The following RPS6KC1 variants were observed in gnomAD, a reference collection of about 807,000 sequenced individuals.
RPS6KC1 encodes the protein ribosomal protein S6 kinase C1.
Under a neutral mutation model 103.8 loss-of-function variants are expected in RPS6KC1, and 54 were observed. The observed-to-expected ratio is 0.52, with a 90% confidence interval of 0.42 to 0.65. RPS6KC1 has a LOEUF of 0.65. Ranked by LOEUF, RPS6KC1 falls within the 30% of genes least tolerant of loss-of-function variation. The pLI is 0.00. For missense variants in RPS6KC1, 1,151 were observed against 1,253.8 expected (o/e 0.92, Z 1.24); for synonymous variants, 439 against 438.7 (o/e 1.00, Z -0.01).
the RPS6KC1 span, among the ~76,000 whole-genome samples, chr1:213,554,435 G>T: frequency 6.6e-6 from 1 of 152,162 alleles, no homozygotes; most frequent in African/African-American, 2.4e-5. Flanking sequence ...TTGTAGTATA[G>T]CCTTGAATGC....
the RPS6KC1 span, among the ~76,000 whole-genome samples, chr1:213,752,559 C>A: frequency 1.3e-5 from 2 of 152,118 alleles, no homozygotes; most frequent in Non-Finnish European, 2.9e-5. Context: ...CCATAAGATG[C>A]CAAGAACTAG....
At chr1:213,534,510 G>A in the RPS6KC1 span, among the ~76,000 whole-genome samples, 1 of 152,142 alleles carries the variant, frequency 6.6e-6, no homozygotes, top group Non-Finnish European at 1.5e-5. Context: ...AATCCAGATA[G>A]GCTGAGGTAA....
At chr1:213,613,698 C>T in the RPS6KC1 span, among the ~76,000 whole-genome samples, 1 of 152,220 alleles carries the variant, frequency 6.6e-6, no homozygotes, top group Non-Finnish European at 1.5e-5. Context: ...GCTTGCTGCA[C>T]GTGACCACAG....
chr1:213,467,835 G>A, the RPS6KC1 span, among the ~76,000 whole-genome samples: 667 of 152,234 alleles, frequency 4.4e-3, 3 homozygotes, highest in African/African-American at 0.015. Context: ...GCTTGTTGGT[G>A]CCTTCTTTAG....
At chr1:213,056,491 TG>T (rs1362064584) in intron 1 of RPS6KC1, among the ~76,000 whole-genome samples, 1 of 152,218 alleles carries the variant, frequency 6.6e-6, no homozygotes, top group East Asian at 1.9e-4. Flanking sequence ...TACTATAGTT[TG>T]GCAAAAGTGA....
chr1:213,578,619 A>ACCCACCTGTCTGGGTGATTTGAGATAAGT, the RPS6KC1 span, among the ~76,000 whole-genome samples: 1 of 152,120 alleles, frequency 6.6e-6, no homozygotes, highest in Non-Finnish European at 1.5e-5. Context: ...ATCATTTTGG[A>ACCCACCTGTCTGGGTGATTTGAGATAAGT]ACTTTAAGGT....
intron 14 of RPS6KC1, 117 bp downstream of exon 14, chr1:213,262,933 C>A: frequency 1.4e-6 from 1 of 709,538 alleles, no homozygotes; most frequent in Non-Finnish European, 2.6e-6. Flanking sequence ...TAACGTAAAA[C>A]AAAGACACGT....
At chr1:213,804,173 T>TAAAAAAAAA in the RPS6KC1 span, among the ~76,000 whole-genome samples, 6 of 57,842 alleles carry the variant, frequency 1.0e-4, no homozygotes, top group African/African-American at 2.8e-4. Context: ...TGGCTAATCT[T>TAAAAAAAAA]AAAAAAAAAA....
chr1:213,831,955 C>T, the RPS6KC1 span, among the ~76,000 whole-genome samples: 1 of 152,184 alleles, frequency 6.6e-6, no homozygotes, highest in Admixed American at 6.5e-5. Context: ...CAGGCTCCAG[C>T]CCACCTATTC....
chr1:213,156,966 T>G (rs953519200), intron 6 of RPS6KC1, among the ~76,000 whole-genome samples: 1 of 152,178 alleles, frequency 6.6e-6, no homozygotes, highest in Non-Finnish European at 1.5e-5. Flanking sequence ...TTTGCTTTAA[T>G]TTTTTAGAAT....
chr1:213,591,736 TA>T, the RPS6KC1 span, among the ~76,000 whole-genome samples: 1 of 152,092 alleles, frequency 6.6e-6, no homozygotes, highest in Non-Finnish European at 1.5e-5. Flanking sequence ...CAATACCCAG[TA>T]AGGGAGGTTA....
the RPS6KC1 span, among the ~76,000 whole-genome samples, chr1:213,710,132 A>G: frequency 6.6e-6 from 1 of 152,170 alleles, no homozygotes; most frequent in African/African-American, 2.4e-5. Context: ...ATCTCCCAGT[A>G]TTATTGTGTG....
chr1:213,454,193 ATCTT>A, the RPS6KC1 span, among the ~76,000 whole-genome samples: 1 of 152,088 alleles, frequency 6.6e-6, no homozygotes, highest in Non-Finnish European at 1.5e-5. Context: ...GGTCAACTCT[ATCTT>A]AGAGTCCTTC....
chr1:213,151,693 A>C (rs1407176374), intron 6 of RPS6KC1, among the ~76,000 whole-genome samples: 2 of 75,988 alleles, frequency 2.6e-5, no homozygotes, highest in Non-Finnish European at 2.6e-5. Flanking sequence ...CGCGCCCCTC[A>C]CCTCCCGGAC....
the RPS6KC1 span, among the ~76,000 whole-genome samples, chr1:213,376,845 C>T: frequency 6.6e-6 from 1 of 152,218 alleles, no homozygotes; most frequent in Admixed American, 6.5e-5. Flanking sequence ...GAATGAGGCT[C>T]TCTTCAGATG....
intron 8 of RPS6KC1, among the ~76,000 whole-genome samples, chr1:213,200,961 G>A (rs943114186): frequency 1.3e-5 from 2 of 152,140 alleles, no homozygotes; most frequent in Non-Finnish European, 2.9e-5. Flanking sequence ...AGACACTGGG[G>A]CCTGTCAGAG....
At chr1:213,853,166 C>A in the RPS6KC1 span, among the ~76,000 whole-genome samples, 1 of 152,334 alleles carries the variant, frequency 6.6e-6, no homozygotes, top group South Asian at 2.1e-4. Flanking sequence ...CTGGAGCTCA[C>A]ACCCCCGGCT....
the RPS6KC1 span, among the ~76,000 whole-genome samples, chr1:213,718,438 G>C: frequency 6.6e-6 from 1 of 152,202 alleles, no homozygotes; most frequent in Non-Finnish European, 1.5e-5. Flanking sequence ...TTCCAGACTG[G>C]TCTGGGTCCT....
the RPS6KC1 span, among the ~76,000 whole-genome samples, chr1:213,823,559 T>C: frequency 6.6e-6 from 1 of 152,190 alleles, no homozygotes; most frequent in Admixed American, 6.5e-5. Flanking sequence ...TGTGAGTTTG[T>C]AGTTTTTAGA....
Sources: allele counts gnomAD v4.1 joint callset (sites outside exome capture counted in the v4.1 genomes callset), GRCh38; gene constraint gnomAD v4.1.1; transcripts MANE v1.5; gene names NCBI Gene and HGNC (gene_info 2026-07-23, HGNC 2026-07-21).